BMPER: variants seen among roughly 807,000 people sequenced by gnomAD.
BMPER encodes BMP binding endothelial regulator, also known as BMP-binding endothelial regulator protein.
BMPER carries 45 observed loss-of-function variants against 87.3 expected under a neutral mutation model. The ratio of observed to expected loss-of-function variants is 0.52; its 90% CI spans 0.41 to 0.66. The LOEUF is 0.66. Ranked by LOEUF, BMPER falls within the 30% of genes least tolerant of loss-of-function variation. The pLI is 0.00. For synonymous variants in BMPER, 326 were observed against 316.2 expected (o/e 1.03, Z -0.33); for missense variants, 784 against 867.5 (o/e 0.90, Z 1.21).
intron 6 of BMPER, among the ~76,000 whole-genome samples, chr7:34,009,379 A>T (rs984175051): frequency 6.6e-6 from 1 of 151,894 alleles, no homozygotes; most frequent in East Asian, 1.9e-4. Context: ...TACTCAGATT[A>T]TGTTTTATGA....
At chr7:34,119,099 C>T (rs1053009273) in intron 13 of BMPER, among the ~76,000 whole-genome samples, 4 of 151,540 alleles carry the variant, frequency 2.6e-5, no homozygotes, top group African/African-American at 9.7e-5. Flanking sequence ...GGAGAACACT[C>T]GGAAGAATTG....
intron 11 of BMPER, among the ~76,000 whole-genome samples, chr7:34,065,782 T>C (rs528108800): frequency 6.6e-6 from 1 of 152,364 alleles, no homozygotes; most frequent in South Asian, 2.1e-4. Flanking sequence ...ATGCAGGTTT[T>C]GAGTAATAAG....
At chr7:33,942,166 C>T (rs1378267513) in intron 3 of BMPER, among the ~76,000 whole-genome samples, 1 of 151,944 alleles carries the variant, frequency 6.6e-6, no homozygotes, top group Non-Finnish European at 1.5e-5. Context: ...GTTTGTTCTT[C>T]CTTTTACCTG....
At chr7:34,051,685 C>T (rs1427784901) in intron 7 of BMPER, among the ~76,000 whole-genome samples, 176 bp from the exon 8 acceptor site, 1 of 152,102 alleles carries the variant, frequency 6.6e-6, no homozygotes, top group Non-Finnish European at 1.5e-5. Flanking sequence ...AAACTTTATC[C>T]CAACTAATGA....
intron 13 of BMPER, among the ~76,000 whole-genome samples, chr7:34,120,523 T>C (rs1225720873): frequency 6.6e-6 from 1 of 152,050 alleles, no homozygotes; most frequent in Non-Finnish European, 1.5e-5. Flanking sequence ...CTCAGCCTCC[T>C]GAGTAGCTGG....
intron 6 of BMPER, among the ~76,000 whole-genome samples, chr7:34,021,241 G>A (rs1787178973): frequency 6.6e-6 from 1 of 151,968 alleles, no homozygotes; most frequent in African/African-American, 2.4e-5. Flanking sequence ...AACACTGAAT[G>A]ATCAATTGTA....
chr7:34,006,229 TC>T (rs1452662879), intron 6 of BMPER, among the ~76,000 whole-genome samples: 27 of 152,202 alleles, frequency 1.8e-4, no homozygotes, highest in Admixed American at 1.0e-3. Context: ...AATCATTGTA[TC>T]TTTTTTTGTT....
At position 34,074,787 on chromosome 7, in the gene BMPER, C is replaced by T. The variant is rs185846880; in HGVS notation, c.1079-4070C>T. Among the ~76,000 whole-genome samples, 21 of 152,186 alleles carry T rather than the reference C, an allele frequency of 1.4e-4. No individual in the cohort carries two copies. In the East Asian group the frequency reaches 2.9e-3, roughly 21 times the overall value. ...TCAAAGTGAAAAAACATTTTAAAGA[C>T]GGGAGAAACCTTACGACATGTTAAG... On this transcript the variant is annotated intron_variant, in intron 11 of 14. Transcript: ENST00000649409.
chr7:33,975,002 G>A (rs935197967), intron 6 of BMPER, among the ~76,000 whole-genome samples: 3 of 152,160 alleles, frequency 2.0e-5, no homozygotes, highest in African/African-American at 7.2e-5. Context: ...TGTCCTGTGT[G>A]TTGCAGGATG....
At chr7:34,055,701 A>G (rs774070694) in intron 9 of BMPER, among the ~76,000 whole-genome samples, 6 of 152,180 alleles carry the variant, frequency 3.9e-5, no homozygotes, top group Non-Finnish European at 5.9e-5. Context: ...TCACAAAGCT[A>G]CCTTTGCAAA....
At chr7:33,969,558 C>A (rs1785485491) in intron 4 of BMPER, among the ~76,000 whole-genome samples, 2 of 152,144 alleles carry the variant, frequency 1.3e-5, no homozygotes, top group South Asian at 4.1e-4. Flanking sequence ...TGCCACCACG[C>A]CCGGCTAATT....
At chr7:33,947,782 T>C (rs1461338192) in intron 3 of BMPER, among the ~76,000 whole-genome samples, 2 of 152,106 alleles carry the variant, frequency 1.3e-5, no homozygotes, top group African/African-American at 2.4e-5. Flanking sequence ...TAGGTTGCCT[T>C]TTGTATAGTA....
At chr7:34,131,504 T>G (rs1339871976) in intron 13 of BMPER, among the ~76,000 whole-genome samples, 4 of 152,208 alleles carry the variant, frequency 2.6e-5, no homozygotes, top group Non-Finnish European at 5.9e-5. Context: ...TTTGTGCCTT[T>G]GCCTGTTTGT....
At chr7:33,986,096 T>C (rs980053787) in intron 6 of BMPER, among the ~76,000 whole-genome samples, 1 of 152,254 alleles carries the variant, frequency 6.6e-6, no homozygotes, top group African/African-American at 2.4e-5. Context: ...CGTTTTGAGA[T>C]TGCGACCTTC....
chr7:34,026,655 A>G (rs1787362724), intron 6 of BMPER, among the ~76,000 whole-genome samples: 1 of 152,096 alleles, frequency 6.6e-6, no homozygotes, highest in Admixed American at 6.6e-5. Context: ...CACTGTGTTT[A>G]TTTATACAAG....
At chr7:34,138,949 A>T (rs1385328471) in intron 13 of BMPER, among the ~76,000 whole-genome samples, 1 of 152,238 alleles carries the variant, frequency 6.6e-6, no homozygotes, top group Non-Finnish European at 1.5e-5. Flanking sequence ...ATGAATATAA[A>T]TGTAGACTAT....
At chr7:34,098,642 C>T (rs535248521) in intron 13 of BMPER, among the ~76,000 whole-genome samples, 1 of 152,184 alleles carries the variant, frequency 6.6e-6, no homozygotes, top group African/African-American at 2.4e-5. Flanking sequence ...CATCTGCGAG[C>T]ATGAAGGTAG....
intron 6 of BMPER, among the ~76,000 whole-genome samples, chr7:33,991,567 G>C (rs1786220110): frequency 6.6e-6 from 1 of 152,064 alleles, no homozygotes; most frequent in Admixed American, 6.6e-5. Context: ...CAAAAAACCA[G>C]CTCCTGGATT....
chr7:33,964,396 A>G (rs868853288), intron 3 of BMPER, among the ~76,000 whole-genome samples: 1 of 152,222 alleles, frequency 6.6e-6, no homozygotes, highest in Non-Finnish European at 1.5e-5. Flanking sequence ...GGTTTGTTAT[A>G]TGGACTCAGA....
Sources: allele counts gnomAD v4.1 joint callset (sites outside exome capture counted in the v4.1 genomes callset), GRCh38; gene constraint gnomAD v4.1.1; transcripts MANE v1.5; gene names NCBI Gene and HGNC (gene_info 2026-07-23, HGNC 2026-07-21).